P2RX7: variants seen among roughly 807,000 people sequenced by gnomAD.
P2RX7 encodes the protein P2X purinoceptor 7.
In P2RX7, 62 loss-of-function variants were observed where a neutral mutation model predicts 71.6. The ratio of observed to expected loss-of-function variants is 0.87; its 90% CI spans 0.71 to 1.07. The LOEUF (loss-of-function observed/expected upper bound fraction) is 1.07, where lower values mean the gene tolerates loss of function less well. Among genes scored for constraint, P2RX7 ranks in the 50% least tolerant of loss-of-function variants. The pLI, the probability that P2RX7 is intolerant of heterozygous loss-of-function variation, is 0.00. For synonymous variants in P2RX7, 299 were observed against 283.3 expected (o/e 1.06, Z -0.56); for missense variants, 686 against 748.5 (o/e 0.92, Z 0.97).
At chr12:121,160,525 T>A in intron 3 of P2RX7, among the ~76,000 whole-genome samples, 1 of 152,166 alleles carries the variant, frequency 6.6e-6, no homozygotes, top group East Asian at 1.9e-4. Context: ...CCTTCCCCTG[T>A]CCCTGGCCAC....
chr12:121,175,936 C>A (rs1328313743), intron 9 of P2RX7, among the ~76,000 whole-genome samples: 4 of 152,114 alleles, frequency 2.6e-5, no homozygotes, highest in Non-Finnish European at 5.9e-5. Flanking sequence ...CCTTCCGTGT[C>A]TTATATACGT....
chr12:121,174,699 C>T (rs1882783864), intron 8 of P2RX7, among the ~76,000 whole-genome samples: 1 of 152,050 alleles, frequency 6.6e-6, no homozygotes, highest in Non-Finnish European at 1.5e-5. Context: ...TTCTAGATGC[C>T]AAACCTCTTC....
Position 121,165,406 on chromosome 12 carries a change from A to G in P2RX7, c.583A>G (p.Asn195Asp). ...AAACTTCACTGTGCTCATCAAGAACAATATCGACTTCCCCGGCCACAACTA... is the reference window on the plus strand; with the variant it reads ...AAACTTCACTGTGCTCATCAAGAACGATATCGACTTCCCCGGCCACAACTA... ...AENFTVLIKN[N>D]IDFPGHNYTT... is the part of the protein sequence containing the mutation. The change falls in exon 6 of 13, where the codon AAT (asparagine) becomes GAT (aspartate). Residue 195 changes from asparagine to aspartate, a missense_variant. Asn to Asp is a conservative substitution (Grantham distance 23). Transcript: ENST00000328963. 6.2e-7 allele frequency: 1 copy of G among 1,614,152 alleles called. No individual in the cohort carries two copies.
chr12:121,154,999 C>T lies in P2RX7; in HGVS notation c.294+46C>T, dbSNP rs200887752. Reference sequence around the variant, plus strand: ...TCCCAGGCTCGTCGCTGGTCACCGTCGCCAGGGCCTAGCTCCCTTCCCCTA... The same window carrying T: ...TCCCAGGCTCGTCGCTGGTCACCGTTGCCAGGGCCTAGCTCCCTTCCCCTA... On this transcript the variant is annotated intron_variant, in intron 2 of 12. Coordinates refer to ENST00000328963, the MANE Select transcript of P2RX7 (RefSeq NM_002562.6). This position sits in a 1 kb window ranked among gnomAD's most constrained non-coding sequence, Gnocchi z 4.2. 88 of 1,607,568 alleles carry T rather than the reference C, an allele frequency of 5.5e-5. 3 individuals are homozygous for T. The South Asian group carries it at 9.3e-4, about 17-fold the overall frequency.
chr12:121,177,529 A>C, intron 11 of P2RX7, 83 bp downstream of exon 11: 21 of 1,314,766 alleles, frequency 1.6e-5, no homozygotes, highest in Non-Finnish European at 2.2e-5. Context: ...TTAGGCCCAA[A>C]TCACAGGCTT....
chr12:121,163,358 G>GCACACACACA (rs1352653146), intron 5 of P2RX7, among the ~76,000 whole-genome samples: 1 of 100,430 alleles, frequency 1.0e-5, no homozygotes, highest in African/African-American at 2.9e-5. Context: ...ACACACACAC[G>GCACACACACA]CACACACACA....
intron 8 of P2RX7, among the ~76,000 whole-genome samples, chr12:121,171,862 C>CTTTCTT (rs1555228404): frequency 0.032 from 4,186 of 131,020 alleles, 102 homozygotes; most frequent in South Asian, 0.11. Context: ...TTCTTTCTTT[C>CTTTCTT]TTTTTTTTTT....
In P2RX7 at chr12:121,154,081, C is replaced by G. The variant is rs1408235717; in HGVS notation, c.126-704C>G. Among the ~76,000 whole-genome samples, 1 of 151,708 alleles carries G rather than the reference C, an allele frequency of 6.6e-6. No individual in the cohort carries two copies. The highest frequency in any genetic ancestry group is 1.5e-5 in the Non-Finnish European group (1 of 67,918). ...GAGGCTGCAGTGAGCTACGATCACGCCACTGCCCTCCAGCCTGGGCAACAG... is the reference window on the plus strand; with the variant it reads ...GAGGCTGCAGTGAGCTACGATCACGGCACTGCCCTCCAGCCTGGGCAACAG... On this transcript the variant is annotated intron_variant, in intron 1 of 12. Coordinates refer to ENST00000328963, the MANE Select transcript of P2RX7 (RefSeq NM_002562.6). The surrounding 1 kb of genome is among the most constrained non-coding windows in gnomAD (Gnocchi z 4.2).
intron 1 of P2RX7, among the ~76,000 whole-genome samples, chr12:121,143,152 G>A (rs1277812603): frequency 6.6e-6 from 1 of 151,168 alleles, no homozygotes; most frequent in African/African-American, 2.4e-5. Context: ...GGCCCAGGTG[G>A]GCAGATCACC....
intron 1 of P2RX7, 61 bp downstream of exon 1, chr12:121,133,156 G>C: frequency 1.3e-6 from 2 of 1,594,870 alleles, no homozygotes; most frequent in Non-Finnish European, 1.7e-6. Flanking sequence ...GAAAGCCCCA[G>C]CGGGCAGCTT....
chr12:121,174,519 T>TCAAAA (rs1465710169), intron 8 of P2RX7, among the ~76,000 whole-genome samples: 3 of 152,040 alleles, frequency 2.0e-5, no homozygotes, highest in East Asian at 1.9e-4. Flanking sequence ...AGACCCCACC[T>TCAAAA]CAAAACAAAA....
intron 5 of P2RX7, among the ~76,000 whole-genome samples, chr12:121,164,282 A>G (rs1330416498): frequency 6.6e-6 from 1 of 152,230 alleles, no homozygotes; most frequent in Middle Eastern, 3.2e-3. Flanking sequence ...TCATTCATTC[A>G]ACACATCCAT....
chr12:121,176,717 A>G (rs542536207), intron 9 of P2RX7, among the ~76,000 whole-genome samples: 1 of 140,748 alleles, frequency 7.1e-6, no homozygotes, highest in South Asian at 2.2e-4. Context: ...GCGCCACTGC[A>G]CTCCAGCCTG....
At chr12:121,174,843 G>T (rs7137542) in intron 8 of P2RX7, among the ~76,000 whole-genome samples, 6,349 of 151,908 alleles carry the variant, frequency 0.042, 409 homozygotes, top group African/African-American at 0.14. Context: ...ACTCTGAGAT[G>T]ATGCAGGTAC....
rs538350770 is a variant in P2RX7, at chr12:121,149,543, C to T, written c.126-5242C>T. ...AAACCATCAGATCCCATGAGACTTACTCACTATCACGAGAACAGTATGGGG... is the reference window on the plus strand; with the variant it reads ...AAACCATCAGATCCCATGAGACTTATTCACTATCACGAGAACAGTATGGGG... On this transcript the variant is annotated intron_variant, in intron 1 of 12. Coordinates refer to ENST00000328963, the MANE Select transcript of P2RX7 (RefSeq NM_002562.6). This position sits in a 1 kb window ranked among gnomAD's most constrained non-coding sequence, Gnocchi z 4.7. Among the ~76,000 whole-genome samples, 348 of 152,276 alleles carry T rather than the reference C, an allele frequency of 2.3e-3. 2 individuals carry two copies. Among genetic ancestry groups the T allele is most frequent in the African/African-American group, 7.7e-3 (322 of 41,554 alleles).
chr12:121,184,287 G>C lies in P2RX7; in HGVS notation c.1291-18G>C. 1 of 1,573,318 alleles carries C rather than the reference G, an allele frequency of 6.4e-7. No individual in the cohort carries two copies. Among genetic ancestry groups the C allele is most frequent in the Non-Finnish European group, 8.6e-7 (1 of 1,160,108 alleles). On this transcript the variant is annotated intron_variant, in intron 12 of 12. Transcript: ENST00000328963. Reference sequence around the variant, plus strand: ...AGGGCTTGTCATGGCTAATAGGTTTGGAAACTTGCTTTTTCAGAGACCTGC... The same window carrying C: ...AGGGCTTGTCATGGCTAATAGGTTTCGAAACTTGCTTTTTCAGAGACCTGC...
chr12:121,176,852 C>A (rs1198529986), intron 9 of P2RX7, among the ~76,000 whole-genome samples: 2 of 151,830 alleles, frequency 1.3e-5, no homozygotes, highest in African/African-American at 4.8e-5. Flanking sequence ...TTGTCTGAAA[C>A]CCTCACCTTG....
In P2RX7 at chr12:121,181,725, C is replaced by T. The variant is rs560825694; in HGVS notation, c.1290+1270C>T. ...ACAAAAAAATAGCCAGGCATGGTGG[C>T]GGGCGACTGTAGTCCCAGCCACTCA... On this transcript the variant is annotated intron_variant, in intron 12 of 12. Coordinates refer to ENST00000328963, the MANE Select transcript of P2RX7 (RefSeq NM_002562.6). 2.9e-3 allele frequency among the ~76,000 whole-genome samples: 445 copies of T among 151,828 alleles called. 2 individuals carry two copies. The highest frequency in any genetic ancestry group is 4.9e-3 in the Non-Finnish European group (333 of 67,938).
intron 1 of P2RX7, among the ~76,000 whole-genome samples, chr12:121,133,749 C>A (rs1258827352): frequency 6.6e-6 from 1 of 152,212 alleles, no homozygotes; most frequent in Non-Finnish European, 1.5e-5. Context: ...CTCCTTCCCA[C>A]CCATCAATTT....
Sources: allele counts gnomAD v4.1 joint callset (sites outside exome capture counted in the v4.1 genomes callset), GRCh38; gene constraint gnomAD v4.1.1; non-coding constraint Gnocchi (gnomAD v3.1); transcripts MANE v1.5; gene names NCBI Gene and HGNC (gene_info 2026-07-23, HGNC 2026-07-21).